Variants in SMARCC2 observed in about 807,000 individuals in gnomAD.
The protein encoded by SMARCC2 is SWI/SNF related BAF chromatin remodeling complex subunit C2.
A neutral mutation model predicts 151.3 loss-of-function variants in SMARCC2; 15 were observed. That is an observed-to-expected ratio of 0.10 (90% CI 0.07 to 0.15). The LOEUF is 0.15. Among genes scored for constraint, SMARCC2 ranks in the 10% least tolerant of loss-of-function variants. The probability of loss-of-function intolerance (pLI) is 1.00; values close to 1 mark genes in which losing one functional copy is unlikely to be tolerated. For missense variants in SMARCC2, 1,031 were observed against 1,599.7 expected, an observed-to-expected ratio of 0.64 and a Z score of 6.06; for synonymous variants, 590 against 609.5, an observed-to-expected ratio of 0.97 and a Z score of 0.47.
intron 2 of SMARCC2, 94 bp from the exon 3 acceptor site, chr12:56,186,334 G>A: frequency 1.3e-6 from 1 of 765,830 alleles, no homozygotes; most frequent in Non-Finnish European, 2.2e-6. Flanking sequence ...AAAATCCCAT[G>A]CTGAATTGAT....
At chr12:56,174,400 C>A (rs1874540142) in intron 16 of SMARCC2, 1 of 362,300 alleles carries the variant, frequency 2.8e-6, no homozygotes, top group Non-Finnish European at 5.0e-6. Flanking sequence ...GCATGAGCCA[C>A]CACACCTGGC....
At chr12:56,185,577 C>A in intron 3 of SMARCC2, 1 of 174,768 alleles carries the variant, frequency 5.7e-6, no homozygotes, top group Non-Finnish European at 1.2e-5. Context: ...CTCCTATGTG[C>A]AAGCCATTCT....
intron 5 of SMARCC2, 186 bp downstream of exon 5, chr12:56,184,658 G>C (rs1876881643): frequency 1.7e-6 from 1 of 592,410 alleles, no homozygotes; most frequent in Non-Finnish European, 3.0e-6. Context: ...AAACCTGTCA[G>C]GACTGAAAAA....
chr12:56,178,228 C>A, intron 14 of SMARCC2, 135 bp from the exon 15 acceptor site: 1 of 918,798 alleles, frequency 1.1e-6, no homozygotes, highest in Non-Finnish European at 1.7e-6. Flanking sequence ...GGGAGAACAT[C>A]CCACAGGCTG....
At position 56,168,108 on chromosome 12, in the gene SMARCC2, A is replaced by G. The variant is rs750716669; in HGVS notation, c.2802T>C (p.Leu934=). The G allele has an allele frequency of 1.9e-6, 3 of 1,614,074 alleles. No homozygotes were observed. Among genetic ancestry groups the G allele is most frequent in the Non-Finnish European group, 2.5e-6 (3 of 1,180,028 alleles). ...TAGTCTCCAGCTCCTCAAAGTGCCG[A>G]AGTTTGATCTCCAACTTTTTCATCT... ...ETQMKKLEIK[L]RHFEELETIM... The change falls in exon 26 of 29, where the codon CTT becomes CTC. Residue 934 remains leucine, a synonymous_variant. Coordinates refer to ENST00000550164, the MANE Select transcript of SMARCC2 (RefSeq NM_001330288.2).
rs928230245 is a variant in SMARCC2, at chr12:56,166,129, G to C, written c.2851-430C>G. ...CTTTATTCTATGATCTCAGGACTTA[G>C]AAACTTGATGTGCAATCTCTTTATT... On this transcript the variant is annotated intron_variant, in intron 26 of 28. Transcript: ENST00000550164. Among the ~76,000 whole-genome samples, 8 of 152,164 alleles carry C rather than the reference G, an allele frequency of 5.3e-5. No individual in the cohort carries two copies. In the South Asian group the frequency reaches 1.0e-3, roughly 20 times the overall value.
chr12:56,166,012 A>G (rs1318839259), intron 26 of SMARCC2, among the ~76,000 whole-genome samples: 2 of 152,242 alleles, frequency 1.3e-5, no homozygotes, highest in Admixed American at 6.5e-5. Context: ...TCCTTTTGTC[A>G]ATTCAAGTTC....
chr12:56,167,016 T>C (rs1479024946), intron 26 of SMARCC2, among the ~76,000 whole-genome samples: 2 of 149,326 alleles, frequency 1.3e-5, no homozygotes, highest in African/African-American at 2.5e-5. Flanking sequence ...TGAGCCGTGA[T>C]TGCACCACTG....
At chr12:56,165,735 C>T (rs763893573) in intron 26 of SMARCC2, 36 bp from the exon 27 acceptor site, 17 of 1,595,346 alleles carry the variant, frequency 1.1e-5, no homozygotes, top group Non-Finnish European at 1.4e-5. Context: ...ATCCAATTTT[C>T]AGCAGATCCC....
intron 16 of SMARCC2, 75 bp from the exon 17 acceptor site, chr12:56,173,924 T>A (rs1874442773): frequency 7.1e-7 from 1 of 1,416,528 alleles, no homozygotes. Flanking sequence ...AAGTGGGGGG[T>A]AGAAGGGGCA....
chr12:56,187,157 C>A, intron 2 of SMARCC2, 30 bp downstream of exon 2: 1 of 1,591,214 alleles, frequency 6.3e-7, no homozygotes, highest in Non-Finnish European at 8.6e-7. Flanking sequence ...CACCACCACC[C>A]CCCACCCTCC....
rs1873844994 is a variant in SMARCC2, at chr12:56,171,008, G to C, written c.2347+263C>G. Among the ~76,000 whole-genome samples the C allele has an allele frequency of 6.6e-6, 1 of 152,144 alleles. No homozygotes were observed. The highest frequency in any genetic ancestry group is 6.6e-5 in the Admixed American group (1 of 15,266). The stretch of plus-strand genomic sequence containing the variant: ...GGCCTCCCAAAGTGCTGAGATTACA[G>C]GCATGAGCCACTGCGCCCGGCCTTC... On this transcript the variant is annotated intron_variant, in intron 22 of 28. Transcript: ENST00000550164. The surrounding 1 kb of genome is among the most constrained non-coding windows in gnomAD (Gnocchi z 4.2).
chr12:56,172,375 C>A, intron 20 of SMARCC2, 53 bp downstream of exon 20: 1 of 1,479,944 alleles, frequency 6.8e-7, no homozygotes. Flanking sequence ...AGCCTCTACA[C>A]GGAGCCCACT....
In SMARCC2 at chr12:56,172,102, T is replaced by C. The variant is rs1053404962; in HGVS notation, c.1927-165A>G. The C allele has an allele frequency of 2.9e-5, 18 of 628,906 alleles. No individual in the cohort carries two copies. The South Asian group carries it at 4.0e-4, about 14-fold the overall frequency. 39.0% of individuals were successfully genotyped at this position (628,906 alleles called of 1,614,324 possible). ...ATCTTGAAGTAGCACTAAGAAAGGA[T>C]ATGAAGTTAATGAAATGGCCCAAAT... is the stretch of plus-strand genomic sequence containing the variant. On this transcript the variant is annotated intron_variant, in intron 20 of 28. Coordinates refer to ENST00000550164, the MANE Select transcript of SMARCC2 (RefSeq NM_001330288.2).
chr12:56,178,468 T>C lies in SMARCC2; in HGVS notation c.1246A>G (p.Asn416Asp), dbSNP rs372746646. The change falls in exon 14 of 29, where the codon AAT becomes GAT. Residue 416 changes from asparagine to aspartate, a missense_variant. Physicochemically the swap from Asn to Asp is conservative, Grantham distance 23 (BLOSUM62 1). Transcript: ENST00000550164. ...ATGTGGTGGGTCTGTTCAGTCACAT[T>C]GTCCTCATGCAGGTCTGGATTCTTG... is the stretch of plus-strand genomic sequence containing the variant. ...QTKNPDLHED[N>D]VTEQTHHIII... 3 of 1,614,184 alleles carry C rather than the reference T, an allele frequency of 1.9e-6. No homozygotes were observed. Among genetic ancestry groups the C allele is most frequent in the Admixed American group, 1.7e-5 (1 of 60,022 alleles).
intron 20 of SMARCC2, 195 bp downstream of exon 20, chr12:56,172,230 GCCA>G: frequency 1.8e-6 from 1 of 553,576 alleles, no homozygotes; most frequent in South Asian, 2.6e-5. Flanking sequence ...ACAGGTGTGT[GCCA>G]CCACACCTGG....
intron 11 of SMARCC2, among the ~76,000 whole-genome samples, chr12:56,180,561 G>A (rs1317936498): frequency 2.0e-5 from 3 of 151,296 alleles, no homozygotes; most frequent in South Asian, 4.2e-4. Flanking sequence ...CCACCACCAC[G>A]CCCAGCTAAT....
rs185344809 is a variant in SMARCC2, at chr12:56,166,444, C to A, written c.2851-745G>T. ...GGAATTACAGGTGTGAGCCACCGCG[C>A]CCGGCTGATGTGCAATCTCTTAATG... is the stretch of plus-strand genomic sequence containing the variant. On this transcript the variant is annotated intron_variant, in intron 26 of 28. Coordinates refer to ENST00000550164, the MANE Select transcript of SMARCC2 (RefSeq NM_001330288.2). Among the ~76,000 whole-genome samples, 254 of 152,174 alleles carry A rather than the reference C, an allele frequency of 1.7e-3. 2 individuals are homozygous for A. Among genetic ancestry groups the A allele is most frequent in the African/African-American group, 6.0e-3 (249 of 41,528 alleles).
Position 56,179,040 on chromosome 12 carries a change from G to A in SMARCC2, c.1098C>T (p.Asp366=), listed in dbSNP as rs753509973. ...TLPKTVNTKK[D]SESAPVKGGT... ...CGCCTTTGACTGGGGCCGACTCTGAGTCTTTCTTTGTGTTGACTGCGAAAA... is the reference window on the plus strand; with the variant it reads ...CGCCTTTGACTGGGGCCGACTCTGAATCTTTCTTTGTGTTGACTGCGAAAA... Residue 366 remains aspartate (D), a synonymous_variant, in exon 12 of 29, where the codon GAC becomes GAT. Transcript: ENST00000550164. 1.9e-6 allele frequency: 3 copies of A among 1,614,146 alleles called. No homozygotes were observed. The highest frequency in any genetic ancestry group is 1.6e-4 in the Middle Eastern group (1 of 6,062).
Sources: allele counts gnomAD v4.1 joint callset (sites outside exome capture counted in the v4.1 genomes callset), GRCh38; gene constraint gnomAD v4.1.1; non-coding constraint Gnocchi (gnomAD v3.1); transcripts MANE v1.5; gene names NCBI Gene and HGNC (gene_info 2026-07-23, HGNC 2026-07-21).